INPPL1: variants seen among roughly 807,000 people sequenced by gnomAD.
The protein encoded by INPPL1 is phosphatidylinositol 3,4,5-trisphosphate 5-phosphatase 2.
A neutral mutation model predicts 139.3 loss-of-function variants in INPPL1; 91 were observed. The ratio of observed to expected loss-of-function variants is 0.65; its 90% CI spans 0.55 to 0.78. The LOEUF is 0.78. Ranked by LOEUF, INPPL1 falls within the 30% of genes least tolerant of loss-of-function variation. INPPL1 has a pLI of 0.00. For synonymous variants in INPPL1, 719 were observed against 686.6 expected, an observed-to-expected ratio of 1.05 and a Z score of -0.74; for missense variants, 1,411 against 1,665.6, an observed-to-expected ratio of 0.85 and a Z score of 2.66.
At chr11:72,226,044 T>C (rs1412475231) in intron 1 of INPPL1, among the ~76,000 whole-genome samples, 1 of 152,070 alleles carries the variant, frequency 6.6e-6, no homozygotes, top group Non-Finnish European at 1.5e-5. Flanking sequence ...AGATCAGTTA[T>C]TTAGATCTTT....
chr11:72,232,182 G>A, intron 13 of INPPL1, 58 bp from the exon 14 acceptor site: 3 of 1,331,936 alleles, frequency 2.3e-6, no homozygotes, highest in South Asian at 1.3e-5. Flanking sequence ...AGGCAGAAGG[G>A]AGAGTTGGGA....
In INPPL1 at chr11:72,235,574, C is replaced by G; in HGVS notation, c.2660-101C>G. 6.4e-7 allele frequency: 1 copy of G among 1,570,202 alleles called. No individual in the cohort carries two copies. Among genetic ancestry groups the G allele is most frequent in the South Asian group, 1.1e-5 (1 of 87,044 alleles). On this transcript the variant is annotated intron_variant, in intron 23 of 27. Coordinates refer to ENST00000298229, the MANE Select transcript of INPPL1 (RefSeq NM_001567.4). The surrounding 1 kb of genome is among the most constrained non-coding windows in gnomAD (Gnocchi z 4.9). ...TCTGCAGCCACAGCTGGGAATAGTCCTGCCCCAAGGCATAGCTGGGAAAGG... is the reference window on the plus strand; with the variant it reads ...TCTGCAGCCACAGCTGGGAATAGTCGTGCCCCAAGGCATAGCTGGGAAAGG...
At position 72,238,308 on chromosome 11, in the gene INPPL1, G is replaced by A. The variant is rs1165635671; in HGVS notation, c.3732G>A (p.Pro1244=). ...EDLEEAGVQD[P]AHKRLLLDTL... Reference sequence around the variant, plus strand: ...TGGAGGAGGCTGGGGTGCAGGACCCGGCTCACAAGCGCCTCCTTCTGGACA... The same window carrying A: ...TGGAGGAGGCTGGGGTGCAGGACCCAGCTCACAAGCGCCTCCTTCTGGACA... The change falls in exon 28 of 28, where the codon CCG becomes CCA. Residue 1244 remains proline, a synonymous_variant. Coordinates refer to ENST00000298229, the MANE Select transcript of INPPL1 (RefSeq NM_001567.4). 9 of 1,596,768 alleles carry A rather than the reference G, an allele frequency of 5.6e-6. No homozygotes were observed. The highest frequency in any genetic ancestry group is 6.8e-6 in the Non-Finnish European group (8 of 1,173,018).
At chr11:72,232,142 G>A in intron 13 of INPPL1, 98 bp from the exon 14 acceptor site, 1 of 963,564 alleles carries the variant, frequency 1.0e-6, no homozygotes, top group East Asian at 2.6e-5. Context: ...GGTGGGCTCA[G>A]CGGGAGGATC....
intron 1 of INPPL1, chr11:72,225,468 C>T: frequency 1.0e-6 from 1 of 985,376 alleles, no homozygotes; most frequent in South Asian, 4.7e-5. Flanking sequence ...AGGCATCCTC[C>T]AGGTAGAAGG....
Position 72,235,256 on chromosome 11 carries a change from T to C in INPPL1, c.2504-40T>C, listed in dbSNP as rs1471912616. 1.2e-6 allele frequency: 2 copies of C among 1,613,804 alleles called. No homozygotes were observed. Among genetic ancestry groups the C allele is most frequent in the African/African-American group, 1.3e-5 (1 of 74,988 alleles). Reference sequence around the variant, plus strand: ...CAGGAAGCCAGACAGGGCCCTAGATTAGCTTGGTAATTTGCTGGTTTGTCC... The same window carrying C: ...CAGGAAGCCAGACAGGGCCCTAGATCAGCTTGGTAATTTGCTGGTTTGTCC... On this transcript the variant is annotated intron_variant, in intron 22 of 27. Transcript: ENST00000298229. The surrounding 1 kb of genome is among the most constrained non-coding windows in gnomAD (Gnocchi z 4.9).
At position 72,237,615 on chromosome 11, in the gene INPPL1, T is replaced by C. The variant is rs1450254762; in HGVS notation, c.3371T>C (p.Leu1124Pro). 1 of 1,605,482 alleles carries C rather than the reference T, an allele frequency of 6.2e-7. No individual in the cohort carries two copies. The highest frequency in any genetic ancestry group is 8.5e-7 in the Non-Finnish European group (1 of 1,174,574). Residue 1124 changes from leucine (L) to proline (P), a missense_variant, in exon 26 of 28, where the codon CTG (leucine) becomes CCG (proline). Coordinates refer to ENST00000298229, the MANE Select transcript of INPPL1 (RefSeq NM_001567.4). ...GGGGATGACCGGTCCTGCTCGGTGC[T>C]GCAGATGGCCAAGACGCTGAGCGAG... is the stretch of plus-strand genomic sequence containing the variant. ...ASGDDRSCSV[L>P]QMAKTLSEVD...
intron 10 of INPPL1, 112 bp downstream of exon 10, chr11:72,230,580 G>C: frequency 9.3e-7 from 1 of 1,080,936 alleles, no homozygotes; most frequent in Non-Finnish European, 1.4e-6. Flanking sequence ...CATCCCTCCT[G>C]GCAGGGGTAG....
chr11:72,231,595 C>G lies in INPPL1; in HGVS notation c.1595C>G (p.Thr532Ser), dbSNP rs772918632. ...CATGTCAGTACGTCCAGTGTGAAGACTGGCATCGCCAACACCCTGGGTAAG... is the reference window on the plus strand; with the variant it reads ...CATGTCAGTACGTCCAGTGTGAAGAGTGGCATCGCCAACACCCTGGGTAAG... ...ISHVSTSSVK[T>S]GIANTLGNKG... Residue 532 changes from threonine (T) to serine (S), a missense_variant, in exon 13 of 28, where the codon ACT becomes AGT. By Grantham distance (58) the Thr-to-Ser change is moderately conservative (BLOSUM62 1). Transcript: ENST00000298229. The G allele has an allele frequency of 6.2e-7, 1 of 1,613,320 alleles. No homozygotes were observed. Among genetic ancestry groups the G allele is most frequent in the African/African-American group, 1.3e-5 (1 of 74,906 alleles).
Position 72,238,476 on chromosome 11 carries a change from G to A in INPPL1, c.*123G>A. 2.7e-6 allele frequency: 2 copies of A among 751,402 alleles called. No individual in the cohort carries two copies. The highest frequency in any genetic ancestry group is 4.0e-6 in the Non-Finnish European group (2 of 495,498). The allele number at this position is 751,402 out of a possible 1,614,324, so 46.5% of individuals were successfully genotyped here. A position where few individuals can be genotyped will look rare whatever the true frequency, so the allele number is the denominator to read the frequency against. ...TATCTCTCTGCCTATTTATTGGGGT[G>A]CCTATTTATTGGGGATCTGCATTCC... is the stretch of plus-strand genomic sequence containing the variant. On this transcript the variant is annotated 3_prime_UTR_variant, in exon 28 of 28. Transcript: ENST00000298229.
In INPPL1 at chr11:72,238,149, T is replaced by C. The variant is rs757257359; in HGVS notation, c.3660T>C (p.Asn1220=). ...GCTATGAGGAGGGCCTGGTGCATAA[T>C]GGCTGGGACGACCTGGAGTTTCTCA... The part of the protein sequence containing the change: ...LERYEEGLVH[N]GWDDLEFLSD... The change falls in exon 27 of 28, where the codon AAT becomes AAC. Residue 1220 remains asparagine (N), a synonymous_variant. Coordinates refer to ENST00000298229, the MANE Select transcript of INPPL1 (RefSeq NM_001567.4). 2 of 1,592,940 alleles carry C rather than the reference T, an allele frequency of 1.3e-6. No individual in the cohort carries two copies. Among genetic ancestry groups the C allele is most frequent in the Admixed American group, 3.5e-5 (2 of 57,208 alleles).
At position 72,232,544 on chromosome 11, in the gene INPPL1, C is replaced by T. The variant is rs1216177625; in HGVS notation, c.1713-82C>T. On this transcript the variant is annotated intron_variant, in intron 14 of 27. Coordinates refer to ENST00000298229, the MANE Select transcript of INPPL1 (RefSeq NM_001567.4). The stretch of plus-strand genomic sequence containing the variant: ...TTTACCCCATCCCTGACTCCTGAGA[C>T]TTCTTCCCTTTATGCCTATCCCTGA... 4 of 1,535,024 alleles carry T rather than the reference C, an allele frequency of 2.6e-6. No individual in the cohort carries two copies. The Admixed American group carries it at 5.3e-5, about 20-fold the overall frequency.
intron 8 of INPPL1, 41 bp from the exon 9 acceptor site, chr11:72,230,080 A>G: frequency 6.2e-7 from 1 of 1,612,618 alleles, no homozygotes; most frequent in South Asian, 1.1e-5. Flanking sequence ...GGTGCTGCCT[A>G]CTCCAAGGTC....
chr11:72,232,199 T>C, intron 13 of INPPL1, 41 bp from the exon 14 acceptor site: 1 of 1,463,710 alleles, frequency 6.8e-7, no homozygotes, highest in Non-Finnish European at 9.4e-7. Flanking sequence ...GGGAGCCCTC[T>C]GAGGATGACC....
At position 72,235,199 on chromosome 11, in the gene INPPL1, CT is replaced by C. The variant is rs1430190768; in HGVS notation, c.2500del (p.Tyr834MetfsTer11). The C allele has an allele frequency of 6.2e-7, 1 of 1,613,892 alleles. No homozygotes were observed. Among genetic ancestry groups the C allele is most frequent in the African/African-American group, 1.3e-5 (1 of 74,856 alleles). ...TVKSMDGYESYGECVVALKSM... is the reference protein window; with the variant it reads ...TVKSMDGYESXGECVVALKSM... ...TCAAGTCCATGGATGGCTATGAATC[CT>C]ATGGTGAGGGGTGAGGGGTGCTGAG... On this transcript the variant is annotated frameshift_variant, in exon 22 of 28. Transcript: ENST00000298229. LOFTEE classifies it high-confidence loss of function. This position sits in a 1 kb window ranked among gnomAD's most constrained non-coding sequence, Gnocchi z 4.9.
Position 72,234,714 on chromosome 11 carries a change from GC to G in INPPL1, c.2415+100del, listed in dbSNP as rs1948933092. 1.3e-6 allele frequency: 1 copy of G among 771,022 alleles called. No homozygotes were observed. The highest frequency in any genetic ancestry group is 2.2e-6 in the Non-Finnish European group (1 of 457,778). The allele number at this position is 771,022 out of a possible 1,614,324, so 47.8% of individuals were successfully genotyped here. Reference sequence around the variant, plus strand: ...CTGCCTGGGAGGGAGTGTGGGGCCAGCAGAGAGAGAGAGAGAGAGTGTGTGT... The same window carrying G: ...CTGCCTGGGAGGGAGTGTGGGGCCAGAGAGAGAGAGAGAGAGAGTGTGTGT... On this transcript the variant is annotated intron_variant, in intron 21 of 27. Coordinates refer to ENST00000298229, the MANE Select transcript of INPPL1 (RefSeq NM_001567.4). This position sits in a 1 kb window ranked among gnomAD's most constrained non-coding sequence, Gnocchi z 4.2.
chr11:72,236,411 T>G (rs192708186), intron 25 of INPPL1, among the ~76,000 whole-genome samples: 1 of 152,340 alleles, frequency 6.6e-6, no homozygotes, highest in Non-Finnish European at 1.5e-5. Flanking sequence ...CTAGATTCTT[T>G]TCTTAGACAT....
At chr11:72,225,576 C>T (rs895714742) in intron 1 of INPPL1, 1 of 972,154 alleles carries the variant, frequency 1.0e-6, no homozygotes, top group Non-Finnish European at 1.2e-6. Flanking sequence ...GAGGGACTGA[C>T]GGGGTGTGTG....
At chr11:72,225,586 G>A in intron 1 of INPPL1, 1 of 954,266 alleles carries the variant, frequency 1.0e-6, no homozygotes, top group Non-Finnish European at 1.2e-6. Flanking sequence ...CGGGGTGTGT[G>A]GGGATGCCTG....
Sources: gnomAD v4.1 joint callset for allele counts (sites outside exome capture counted in the v4.1 genomes callset) on GRCh38, gnomAD v4.1.1 for gene constraint, Gnocchi (gnomAD v3.1) non-coding constraint, MANE v1.5 for transcripts, NCBI Gene and HGNC (gene_info 2026-07-23, HGNC 2026-07-21) for gene names.